Variants in MADD observed in about 807,000 individuals in gnomAD.
MADD encodes the protein MAP kinase-activating death domain protein.
In MADD, 109 loss-of-function variants were observed where a neutral mutation model predicts 176.7. The observed-to-expected ratio is 0.62, with a 90% confidence interval of 0.53 to 0.72. The LOEUF (loss-of-function observed/expected upper bound fraction) is 0.72, where lower values mean the gene tolerates loss of function less well. Ranked by LOEUF, MADD falls within the 30% of genes least tolerant of loss-of-function variation. MADD has a pLI of 0.00. For missense variants in MADD, 1,914 were observed against 2,045.5 expected, an observed-to-expected ratio of 0.94 and a Z score of 1.24; for synonymous variants, 771 against 771.3, an observed-to-expected ratio of 1.00 and a Z score of 0.01.
At chr11:47,328,661 C>T in exon 32 of MADD, 1 of 1,614,224 alleles carries the variant, frequency 6.2e-7, no homozygotes, top group Non-Finnish European at 8.5e-7. Context: ...GTTTTAGTTC[C>T]TGAAATTAAA....
chr11:47,297,721 C>G (rs1043080104), intron 22 of MADD, among the ~76,000 whole-genome samples: 2 of 151,508 alleles, frequency 1.3e-5, no homozygotes, highest in Non-Finnish European at 2.9e-5. Context: ...GCTGGGATTA[C>G]AGGCGTGAGC....
exon 3 of MADD, chr11:47,275,111 G>A (rs758838278): frequency 1.9e-6 from 3 of 1,614,212 alleles, no homozygotes. Context: ...GACTGCTGTA[G>A]TGAGCGCCTT....
Position 47,308,709 on chromosome 11 carries a change from A to C in MADD, c.3751+10A>C. On this transcript the variant is annotated intron_variant, in intron 23 of 32. Transcript: ENST00000402192. ...TATGAGGGACTCCTAGGTGAGAAAC[A>C]CACTGGGAAGGCCCTTTGCACTGGA... is the stretch of plus-strand genomic sequence containing the variant. 6.2e-7 allele frequency: 1 copy of C among 1,607,674 alleles called. No homozygotes were observed.
Position 47,282,618 on chromosome 11 carries a change from T to A in MADD, c.1705+2T>A. On this transcript the variant is annotated splice_donor_variant, in intron 9 of 32. Coordinates refer to ENST00000402192, the Ensembl canonical transcript of MADD. LOFTEE classifies it high-confidence loss of function. ...ATGCCTTTCAGCGAATTCACAACAG[T>A]GAGTCTACCTGCCCTCTGCTCCGCT... 6.2e-7 allele frequency: 1 copy of A among 1,613,692 alleles called. No individual in the cohort carries two copies. The highest frequency in any genetic ancestry group is 8.5e-7 in the Non-Finnish European group (1 of 1,179,628).
intron 7 of MADD, among the ~76,000 whole-genome samples, chr11:47,279,343 G>A (rs2053902747): frequency 1.4e-5 from 2 of 147,968 alleles, no homozygotes; most frequent in South Asian, 4.3e-4. Context: ...TTTCTTGTAT[G>A]TGTGCCACTC....
At chr11:47,295,416 A>T in intron 20 of MADD, 80 bp from the exon 23 acceptor site, 1 of 1,179,938 alleles carries the variant, frequency 8.5e-7, no homozygotes, top group East Asian at 2.4e-5. Flanking sequence ...GGATGAGGAG[A>T]AAGAAAAAGG....
exon 33 of MADD, chr11:47,329,447 GT>G (rs1438356268): frequency 7.6e-6 from 3 of 395,060 alleles, no homozygotes; most frequent in African/African-American, 2.0e-5. Flanking sequence ...AGACATTTGT[GT>G]TGTGGTTCCT....
chr11:47,282,710 T>C, intron 9 of MADD, 94 bp downstream of exon 9: 1 of 1,589,720 alleles, frequency 6.3e-7, no homozygotes, highest in Non-Finnish European at 8.6e-7. Flanking sequence ...ACCTGTGCCT[T>C]CTATCCTGGC....
At chr11:47,290,222 A>C in exon 18 of MADD, 1 of 1,614,122 alleles carries the variant, frequency 6.2e-7, no homozygotes, top group South Asian at 1.1e-5. Context: ...GAGCAGTCCT[A>C]TGCCCACGCG....
intron 31 of MADD, chr11:47,327,869 C>T: frequency 2.0e-6 from 2 of 985,424 alleles, no homozygotes; most frequent in African/African-American, 3.5e-5. Flanking sequence ...GTGGCTGAGC[C>T]TGGGGGGCCT....
chr11:47,286,392 TA>T (rs1565353398), intron 14 of MADD, 40 bp from the exon 15 acceptor site: 1 of 1,337,372 alleles, frequency 7.5e-7, no homozygotes, highest in Non-Finnish European at 1.1e-6. Flanking sequence ...TTTGATTACT[TA>T]CTCTGCCAAG....
chr11:47,327,872 G>T (rs1400463056), intron 31 of MADD: 1 of 985,370 alleles, frequency 1.0e-6, no homozygotes, highest in East Asian at 1.1e-4. Context: ...GCTGAGCCTG[G>T]GGGGCCTACT....
chr11:47,328,526 C>T, intron 31 of MADD, 132 bp from the exon 36 acceptor site: 1 of 1,527,010 alleles, frequency 6.5e-7, no homozygotes, highest in Non-Finnish European at 8.8e-7. Context: ...ATAGCCTAAG[C>T]TGCTGCAGCC....
At chr11:47,272,233 G>A (rs1451138913) in intron 1 of MADD, 1 of 152,154 alleles carries the variant, frequency 6.6e-6, no homozygotes, top group Non-Finnish European at 1.5e-5. Flanking sequence ...AGTGCTGGGA[G>A]CCAGAGTCGC....
Position 47,274,734 on chromosome 11 carries a change from C to T in MADD, c.234C>T (p.Val78=), listed in dbSNP as rs754505689. The change falls in exon 3 of 33, where the codon GTC becomes GTT. Residue 78 remains valine (V), a synonymous_variant. Coordinates refer to ENST00000402192, the Ensembl canonical transcript of MADD. ...GCCTTCGGGATGATACCTCTTTTGT[C>T]TTCACCCTCACTGACAAGGACACTG... The T allele has an allele frequency of 1.9e-6, 3 of 1,614,236 alleles. No individual in the cohort carries two copies. The South Asian group carries it at 3.3e-5, about 18-fold the overall frequency.
intron 7 of MADD, among the ~76,000 whole-genome samples, chr11:47,279,634 C>T (rs905159077): frequency 2.0e-5 from 3 of 151,938 alleles, no homozygotes; most frequent in African/African-American, 7.3e-5. Context: ...CTGCCTCAGC[C>T]TCCCGAAGTG....
At chr11:47,284,227 C>T in exon 11 of MADD, 1 of 1,614,094 alleles carries the variant, frequency 6.2e-7, no homozygotes, top group Non-Finnish European at 8.5e-7. Flanking sequence ...TTACTCCTCC[C>T]TTGGTGACTT....
intron 18 of MADD, 64 bp downstream of exon 19, chr11:47,290,363 A>G (rs892322137): frequency 6.3e-6 from 10 of 1,579,748 alleles, no homozygotes; most frequent in Non-Finnish European, 8.6e-6. Context: ...CCTGAAGAGA[A>G]AATATATGTG....
chr11:47,310,704 G>A (rs1481908911), intron 25 of MADD, among the ~76,000 whole-genome samples: 2 of 622 alleles, frequency 3.2e-3, no homozygotes, highest in Non-Finnish European at 0.056. Context: ...TCAGGAGTTC[G>A]AGACCAGCCT....
Sources: allele counts gnomAD v4.1 joint callset (sites outside exome capture counted in the v4.1 genomes callset), GRCh38; gene constraint gnomAD v4.1.1; transcripts MANE v1.5; gene names NCBI Gene and HGNC (gene_info 2026-07-23, HGNC 2026-07-21).